Variants in TUBA3C observed in about 807,000 individuals in gnomAD.
The protein encoded by TUBA3C is tubulin alpha-3C chain.
TUBA3C carries 23 observed loss-of-function variants against 33.4 expected under a neutral mutation model. The observed-to-expected ratio is 0.69, with a 90% CI of 0.50 to 0.98. The LOEUF (loss-of-function observed/expected upper bound fraction) is 0.98. Among genes scored for constraint, TUBA3C ranks in the 50% least tolerant of loss-of-function variants. TUBA3C has a pLI of 0.00. For missense variants in TUBA3C, 402 were observed against 616.0 expected (o/e 0.65, Z 3.68); for synonymous variants, 269 against 250.4 (o/e 1.07, Z -0.70).
intron 1 of TUBA3C, among the ~76,000 whole-genome samples, chr13:19,180,429 G>C (rs941898131): frequency 6.6e-6 from 1 of 152,076 alleles, no homozygotes; most frequent in African/African-American, 2.4e-5. Flanking sequence ...GCTCATGCCT[G>C]TAATTCCAGC....
At chr13:19,178,706 C>T (rs915133945) in intron 2 of TUBA3C, among the ~76,000 whole-genome samples, 2 of 152,174 alleles carry the variant, frequency 1.3e-5, no homozygotes, top group Admixed American at 6.5e-5. Context: ...TCTACAGGTA[C>T]ATAATTCTTT....
rs1429221765 is a variant in TUBA3C at position 19,181,783 on chromosome 13, A to G, written c.-36T>C. ...TCCGCTGCCGCAGCCCAACGCTACTACTTGACCTCAACCGCCGCTGCAGCT... is the reference window on the plus strand; with the variant it reads ...TCCGCTGCCGCAGCCCAACGCTACTGCTTGACCTCAACCGCCGCTGCAGCT... On this transcript the variant is annotated 5_prime_UTR_variant, in exon 1 of 5. Coordinates refer to ENST00000400113, the MANE Select transcript of TUBA3C (RefSeq NM_006001.3). 2.6e-5 allele frequency: 42 copies of G among 1,598,890 alleles called. No homozygotes were observed. Among genetic ancestry groups the G allele is most frequent in the Admixed American group, 3.3e-5 (2 of 59,942 alleles).
In TUBA3C at chr13:19,177,184, A is replaced by G. The variant is rs1488755151; in HGVS notation, c.799T>C (p.Phe267Leu). 7 of 1,613,922 alleles carry G rather than the reference A, an allele frequency of 4.3e-6. No homozygotes were observed. Among genetic ancestry groups the G allele is most frequent in the African/African-American group, 4.0e-5 (3 of 74,888 alleles). Residue 267 changes from phenylalanine (F) to leucine (L), a missense_variant, in exon 4 of 5, where the codon TTC (phenylalanine) becomes CTC (leucine). By Grantham distance (22) the Phe-to-Leu change is conservative (BLOSUM62 0). Coordinates refer to ENST00000400113, the MANE Select transcript of TUBA3C (RefSeq NM_006001.3). This position sits in a 1 kb window ranked among gnomAD's most constrained non-coding sequence, Gnocchi z 5.0. The part of the protein sequence containing the change: ...TNLVPYPRIH[F>L]PLATYAPVIS... ...ACCGGGGCGTAGGTGGCCAGGGGGA[A>G]GTGGATGCGGGGGTACGGCACTAGG...
Position 19,177,298 on chromosome 13 carries a change from G to A in TUBA3C, c.685C>T (p.Arg229Cys). 1.2e-6 allele frequency: 2 copies of A among 1,614,130 alleles called. No individual in the cohort carries two copies. The highest frequency in any genetic ancestry group is 1.7e-6 in the Non-Finnish European group (2 of 1,180,016). ...IERPTYTNLN[R>C]LIGQIVSSIT... Reference sequence around the variant, plus strand: ...GAGGACACGATCTGCCCAATCAGGCGATTGAGGTTGGTGTACGTGGGACGC... The same window carrying A: ...GAGGACACGATCTGCCCAATCAGGCAATTGAGGTTGGTGTACGTGGGACGC... The change falls in exon 4 of 5, where the codon CGC becomes TGC. Residue 229 changes from arginine to cysteine, a missense_variant. Arg to Cys is a radical substitution (Grantham distance 180). Coordinates refer to ENST00000400113, the MANE Select transcript of TUBA3C (RefSeq NM_006001.3). The surrounding 1 kb of genome is among the most constrained non-coding windows in gnomAD (Gnocchi z 5.0).
At chr13:19,179,819 T>C (rs914035010) in intron 1 of TUBA3C, among the ~76,000 whole-genome samples, 29 of 152,158 alleles carry the variant, frequency 1.9e-4, no homozygotes, top group African/African-American at 6.5e-4. Context: ...ATTAGATTAT[T>C]TTAAAACTTG....
chr13:19,179,635 T>C, intron 1 of TUBA3C, 72 bp from the exon 2 acceptor site: 1 of 1,486,558 alleles, frequency 6.7e-7, no homozygotes, highest in Non-Finnish European at 9.0e-7. Flanking sequence ...TGCAAAATAT[T>C]ATAATTTAAT....
rs749672364 is a variant in TUBA3C, at chr13:19,181,779, T to C, written c.-32A>G. ...CTCCTCCGCTGCCGCAGCCCAACGCTACTACTTGACCTCAACCGCCGCTGC... is the reference window on the plus strand; with the variant it reads ...CTCCTCCGCTGCCGCAGCCCAACGCCACTACTTGACCTCAACCGCCGCTGC... On this transcript the variant is annotated 5_prime_UTR_variant, in exon 1 of 5. Coordinates refer to ENST00000400113, the MANE Select transcript of TUBA3C (RefSeq NM_006001.3). The C allele has an allele frequency of 8.7e-6, 14 of 1,600,778 alleles. No individual in the cohort carries two copies. In the East Asian group the frequency reaches 2.9e-4, roughly 33 times the overall value.
In TUBA3C at chr13:19,177,056, G is replaced by T. The variant is rs756939318; in HGVS notation, c.927C>A (p.His309Gln). Reference protein sequence around the residue: ...ANQMVKCDPRHGKYMACCMLY... With the variant: ...ANQMVKCDPRQGKYMACCMLY... ...ACATGCAGCAGGCCATGTACTTGCCGTGGCGAGGGTCACACTTGACCATCT... is the reference window on the plus strand; with the variant it reads ...ACATGCAGCAGGCCATGTACTTGCCTTGGCGAGGGTCACACTTGACCATCT... Residue 309 changes from histidine to glutamine, a missense_variant, in exon 4 of 5, where the codon CAC becomes CAA. By Grantham distance (24) the His-to-Gln change is conservative (BLOSUM62 0). Coordinates refer to ENST00000400113, the MANE Select transcript of TUBA3C (RefSeq NM_006001.3). The surrounding 1 kb of genome is among the most constrained non-coding windows in gnomAD (Gnocchi z 5.0). The T allele has an allele frequency of 2.5e-5, 40 of 1,614,148 alleles. No individual in the cohort carries two copies. Among genetic ancestry groups the T allele is most frequent in the Non-Finnish European group, 3.2e-5 (38 of 1,180,026 alleles).
At chr13:19,181,204 C>T (rs1223569847) in intron 1 of TUBA3C, among the ~76,000 whole-genome samples, 2 of 151,932 alleles carry the variant, frequency 1.3e-5, no homozygotes, top group South Asian at 4.2e-4. Flanking sequence ...AGATCCACGC[C>T]TCCACCCCGG....
In TUBA3C at chr13:19,176,910, A is replaced by T. The variant is rs999079456; in HGVS notation, c.1056+17T>A. The T allele has an allele frequency of 3.7e-6, 6 of 1,611,738 alleles. No individual in the cohort carries two copies. The highest frequency in any genetic ancestry group is 5.1e-6 in the Non-Finnish European group (6 of 1,178,348). ...GCTTGCTGAAAGGTACAAGGACTCC[A>T]CATTACCCAGTCATACCTTAAATCC... On this transcript the variant is annotated intron_variant, in intron 4 of 4. Coordinates refer to ENST00000400113, the MANE Select transcript of TUBA3C (RefSeq NM_006001.3).
Position 19,178,345 on chromosome 13 carries a change from C to G in TUBA3C, c.276G>C (p.Leu92=). The G allele has an allele frequency of 6.2e-7, 1 of 1,614,198 alleles. No homozygotes were observed. Among genetic ancestry groups the G allele is most frequent in the Non-Finnish European group, 8.5e-7 (1 of 1,180,038 alleles). ...TGGCCGCATCTTCCTTCCCGGTGAT[C>G]AGCTGCTCTGGGTGGAAGAGCTGCC... The part of the protein sequence containing the change: ...TYRQLFHPEQ[L]ITGKEDAANN... Residue 92 remains leucine, a synonymous_variant, in exon 3 of 5, where the codon CTG becomes CTC. Transcript: ENST00000400113.
At position 19,177,554 on chromosome 13, in the gene TUBA3C, A is replaced by G. The variant is rs9507567; in HGVS notation, c.429T>C (p.Gly143=). The G allele has an allele frequency of 0.055, 88,090 of 1,611,224 alleles. 2,814 individuals are homozygous for G. Among genetic ancestry groups the G allele is most frequent in the Middle Eastern group, 0.07 (423 of 6,040 alleles). ...GAGATGCGAACCCAGAGCCAGTGCC[A>G]CCCCCAAAACTGTGGAAGATGAGGA... is the stretch of plus-strand genomic sequence containing the variant. The part of the protein sequence containing the change: ...QGFLIFHSFG[G]GTGSGFASLL... Residue 143 remains glycine, a synonymous_variant, in exon 4 of 5, where the codon GGT becomes GGC. Coordinates refer to ENST00000400113, the MANE Select transcript of TUBA3C (RefSeq NM_006001.3). The surrounding 1 kb of genome is among the most constrained non-coding windows in gnomAD (Gnocchi z 5.0).
At position 19,177,193 on chromosome 13, in the gene TUBA3C, G is replaced by A. The variant is rs747190740; in HGVS notation, c.790C>T (p.Arg264Cys). 45 of 1,614,094 alleles carry A rather than the reference G, an allele frequency of 2.8e-5. No individual in the cohort carries two copies. Among genetic ancestry groups the A allele is most frequent in the East Asian group, 1.1e-4 (5 of 44,874 alleles). Residue 264 changes from arginine to cysteine, a missense_variant, in exon 4 of 5, where the codon CGC becomes TGC. Transcript: ENST00000400113. This position sits in a 1 kb window ranked among gnomAD's most constrained non-coding sequence, Gnocchi z 5.0. Reference protein sequence around the residue: ...EFQTNLVPYPRIHFPLATYAP... With the variant: ...EFQTNLVPYPCIHFPLATYAP... ...TAGGTGGCCAGGGGGAAGTGGATGC[G>A]GGGGTACGGCACTAGGTTGGTCTGG...
chr13:19,174,212 T>C (rs1869106000), intron 4 of TUBA3C, 53 bp from the exon 5 acceptor site: 1 of 1,547,454 alleles, frequency 6.5e-7, no homozygotes, highest in Admixed American at 2.0e-5. Flanking sequence ...AACCTGGAAA[T>C]GGTGGCTGCT....
rs548200582 is a variant in TUBA3C, at chr13:19,181,799, C to A, written c.-52G>T. 5 of 1,597,274 alleles carry A rather than the reference C, an allele frequency of 3.1e-6. No homozygotes were observed. Among genetic ancestry groups the A allele is most frequent in the Non-Finnish European group, 3.4e-6 (4 of 1,177,028 alleles). ...AACGCTACTACTTGACCTCAACCGC[C>A]GCTGCAGCTGCGCACGCCCAACGAC... On this transcript the variant is annotated 5_prime_UTR_variant, in exon 1 of 5. Transcript: ENST00000400113.
At chr13:19,180,160 C>T (rs1190197224) in intron 1 of TUBA3C, among the ~76,000 whole-genome samples, 1 of 152,176 alleles carries the variant, frequency 6.6e-6, no homozygotes, top group East Asian at 1.9e-4. Context: ...GACCAGGAGG[C>T]TGGAGGAGAG....
intron 4 of TUBA3C, 28 bp downstream of exon 4, chr13:19,176,899 A>G (rs758033483): frequency 9.4e-5 from 151 of 1,608,034 alleles, no homozygotes; most frequent in South Asian, 2.2e-5. Flanking sequence ...GCTGAAAGGT[A>G]CAAGGACTCC....
rs1212342615 is a variant in TUBA3C, at chr13:19,181,748, G to A, written c.-1C>T. 6.2e-7 allele frequency: 1 copy of A among 1,602,496 alleles called. No individual in the cohort carries two copies. Among genetic ancestry groups the A allele is most frequent in the East Asian group, 2.2e-5 (1 of 44,876 alleles). On this transcript the variant is annotated 5_prime_UTR_variant, in exon 1 of 5. Coordinates refer to ENST00000400113, the MANE Select transcript of TUBA3C (RefSeq NM_006001.3). ...GGTGGGAGTGACCTGGCCTTACCAT[G>A]TTGAGCTCCTCCGCTGCCGCAGCCC...
At position 19,177,349 on chromosome 13, in the gene TUBA3C, T is replaced by C. The variant is rs2138955899; in HGVS notation, c.634A>G (p.Ile212Val). 6.2e-7 allele frequency: 1 copy of C among 1,614,090 alleles called. No homozygotes were observed. Among genetic ancestry groups the C allele is most frequent in the East Asian group, 2.2e-5 (1 of 44,872 alleles). Residue 212 changes from isoleucine to valine, a missense_variant, in exon 4 of 5, where the codon ATA (isoleucine) becomes GTA (valine). Ile to Val is a conservative substitution (Grantham distance 29). Transcript: ENST00000400113. This position sits in a 1 kb window ranked among gnomAD's most constrained non-coding sequence, Gnocchi z 5.0. Reference protein sequence around the residue: ...FMVDNEAIYDICRRNLDIERP... With the variant: ...FMVDNEAIYDVCRRNLDIERP... ...TCGATGTCCAGGTTGCGCCGACATA[T>C]GTCATAGATGGCTTCATTGTCGACC...
Sources: gnomAD v4.1 joint callset for allele counts (sites outside exome capture counted in the v4.1 genomes callset) on GRCh38, gnomAD v4.1.1 for gene constraint, Gnocchi (gnomAD v3.1) non-coding constraint, MANE v1.5 for transcripts, NCBI Gene and HGNC (gene_info 2026-07-23, HGNC 2026-07-21) for gene names.